AKR1C8: variants seen among roughly 807,000 people sequenced by gnomAD.
The protein encoded by AKR1C8 is aldo-keto reductase family 1 member C8, also known as aldo-keto reductase family 1 member C-like protein 1.
the AKR1C8 span, among the ~76,000 whole-genome samples, chr10:5,153,786 C>A: frequency 6.6e-6 from 1 of 152,152 alleles, no homozygotes; most frequent in Non-Finnish European, 1.5e-5. Context: ...ATCCCTCCTC[C>A]AATACTGGAG....
At chr10:5,168,159 G>T in the AKR1C8 span, among the ~76,000 whole-genome samples, 4 of 151,998 alleles carry the variant, frequency 2.6e-5, no homozygotes, top group Non-Finnish European at 5.9e-5. Context: ...ACACAGGAGA[G>T]GAAACGGTCT....
chr10:5,182,762 A>T, the AKR1C8 span, among the ~76,000 whole-genome samples: 119,371 of 151,800 alleles, frequency 0.79, 47,081 homozygotes, highest in African/African-American at 0.83. Flanking sequence ...TACAAAAAAT[A>T]AGCTGGGTGT....
At chr10:5,129,723 GAAA>G in the AKR1C8 span, among the ~76,000 whole-genome samples, 1 of 151,916 alleles carries the variant, frequency 6.6e-6, no homozygotes, top group African/African-American at 2.4e-5. Context: ...AGATCAGGAA[GAAA>G]TAGAAAACCA....
chr10:5,175,546 G>A, the AKR1C8 span, among the ~76,000 whole-genome samples: 95 of 152,204 alleles, frequency 6.2e-4, no homozygotes, highest in Middle Eastern at 3.4e-3. Flanking sequence ...CTGAGGAATC[G>A]CCACACTGAC....
chr10:5,146,351 A>C, the AKR1C8 span, among the ~76,000 whole-genome samples: 1 of 152,146 alleles, frequency 6.6e-6, no homozygotes, highest in South Asian at 2.1e-4. Context: ...GTATAATAAT[A>C]AAAGAAGAAA....
the AKR1C8 span, among the ~76,000 whole-genome samples, chr10:5,151,638 C>A: frequency 6.7e-6 from 1 of 148,204 alleles, no homozygotes; most frequent in Non-Finnish European, 1.5e-5. Context: ...CTTACTGCAA[C>A]CTCTGCCTCC....
At chr10:5,131,902 C>T in the AKR1C8 span, among the ~76,000 whole-genome samples, 1 of 152,092 alleles carries the variant, frequency 6.6e-6, no homozygotes, top group Admixed American at 6.6e-5. Context: ...TATAGCAGTG[C>T]AATTCACAAT....
chr10:5,166,704 A>T, the AKR1C8 span, among the ~76,000 whole-genome samples: 2 of 152,154 alleles, frequency 1.3e-5, no homozygotes. Context: ...AACCTAGGCA[A>T]TAACATTCAG....
the AKR1C8 span, among the ~76,000 whole-genome samples, chr10:5,170,927 C>T: frequency 6.6e-6 from 1 of 152,036 alleles, no homozygotes; most frequent in Non-Finnish European, 1.5e-5. Context: ...CAAGTATGCT[C>T]CAAATTTTGT....
chr10:5,128,192 T>A, the AKR1C8 span, among the ~76,000 whole-genome samples: 59,618 of 151,904 alleles, frequency 0.39, 12,504 homozygotes, highest in Non-Finnish European at 0.43. Context: ...TATTTCATAA[T>A]TGAAGGAGAA....
chr10:5,152,864 G>A, the AKR1C8 span, among the ~76,000 whole-genome samples: 2 of 152,052 alleles, frequency 1.3e-5, no homozygotes, highest in East Asian at 3.9e-4. Context: ...TTTTAATGCG[G>A]GGAGATATTT....
At chr10:5,157,571 G>A in the AKR1C8 span, 105 of 427,290 alleles carry the variant, frequency 2.5e-4, 1 homozygote, top group Non-Finnish European at 2.3e-4. Flanking sequence ...ATTCTCCCAT[G>A]TAAGAGAGAT....
At chr10:5,180,053 C>A in the AKR1C8 span, among the ~76,000 whole-genome samples, 2 of 152,174 alleles carry the variant, frequency 1.3e-5, no homozygotes, top group Admixed American at 1.3e-4. Flanking sequence ...AGGCACTCTG[C>A]TTTTTAGAGT....
chr10:5,160,555 G>C, the AKR1C8 span, among the ~76,000 whole-genome samples: 1 of 152,050 alleles, frequency 6.6e-6, no homozygotes, highest in Non-Finnish European at 1.5e-5. Context: ...CCCTTATAGG[G>C]CTCACATCCT....
At chr10:5,157,549 G>C in the AKR1C8 span, 1 of 391,176 alleles carries the variant, frequency 2.6e-6, no homozygotes, top group Non-Finnish European at 5.4e-6. Context: ...AGGAATGAAT[G>C]ACACGTGTCG....
chr10:5,170,712 T>G, the AKR1C8 span, among the ~76,000 whole-genome samples: 1 of 152,148 alleles, frequency 6.6e-6, no homozygotes, highest in African/African-American at 2.4e-5. Flanking sequence ...AGGGCTTTAT[T>G]GGCTTCATAA....
At chr10:5,123,514 G>T in the AKR1C8 span, 1 of 559,538 alleles carries the variant, frequency 1.8e-6, no homozygotes, top group Non-Finnish European at 3.2e-6. Context: ...AACAGACTAA[G>T]GTGTTCATTC....
the AKR1C8 span, among the ~76,000 whole-genome samples, chr10:5,183,374 T>C: frequency 6.6e-6 from 1 of 152,116 alleles, no homozygotes; most frequent in South Asian, 2.1e-4. Context: ...CAGACATAAC[T>C]ATAACTACCA....
At chr10:5,178,835 A>G in the AKR1C8 span, among the ~76,000 whole-genome samples, 1 of 151,846 alleles carries the variant, frequency 6.6e-6, no homozygotes. Context: ...TGCTTGGTAG[A>G]TCTTCCTCCA....
Sources: allele counts gnomAD v4.1 joint callset (sites outside exome capture counted in the v4.1 genomes callset), GRCh38; gene constraint gnomAD v4.1.1; transcripts MANE v1.5; gene names NCBI Gene and HGNC (gene_info 2026-07-23, HGNC 2026-07-21).